Variants in FBXO3 observed in about 807,000 individuals in gnomAD.
The protein encoded by FBXO3 is F-box only protein 3.
In FBXO3, 17 loss-of-function variants were observed where a neutral mutation model predicts 64.8. The ratio of observed to expected loss-of-function variants is 0.26; its 90% confidence interval spans 0.18 to 0.39. The LOEUF (loss-of-function observed/expected upper bound fraction) is 0.39. Among genes scored for constraint, FBXO3 ranks in the 10% least tolerant of loss-of-function variants. The pLI is 1.00. For synonymous variants in FBXO3, 182 were observed against 201.6 expected (o/e 0.90, Z 0.82); for missense variants, 420 against 589.9 (o/e 0.71, Z 2.98).
rs764289901 is a variant in FBXO3 at position 33,755,913 on chromosome 11, G to T, written c.536C>A (p.Thr179Lys). The change falls in exon 5 of 11, where the codon ACA becomes AAA. Residue 179 changes from threonine to lysine, a missense_variant. This residue lies in a region of FBXO3 where 337 missense variants were observed against 518.4 expected (regional missense o/e 0.65). Coordinates refer to ENST00000265651, the MANE Select transcript of FBXO3 (RefSeq NM_012175.4). The part of the protein sequence containing the change: ...YRSEDLLDVD[T>K]AAGGFQQRQG... ...TCTCTGCTGGAATCCTCCGGCAGCT[G>T]TATCGACGTCTAACAAATCTTCAGA... 1 of 1,614,162 alleles carries T rather than the reference G, an allele frequency of 6.2e-7. No homozygotes were observed. The highest frequency in any genetic ancestry group is 8.5e-7 in the Non-Finnish European group (1 of 1,180,032).
chr11:33,767,014 G>T (rs1172213532), intron 3 of FBXO3, among the ~76,000 whole-genome samples: 22 of 136,310 alleles, frequency 1.6e-4, no homozygotes, highest in Admixed American at 7.5e-5. Flanking sequence ...AAAAAAAAAG[G>T]AAAAGAAAAA....
At chr11:33,758,997 T>G (rs1855177919) in intron 3 of FBXO3, among the ~76,000 whole-genome samples, 1 of 152,178 alleles carries the variant, frequency 6.6e-6, no homozygotes. Context: ...ACATTGACTC[T>G]TAATGGGAAA....
rs567140201 is a variant in FBXO3, at chr11:33,767,845, C to T, written c.358+1006G>A. ...TACATACCAAGTAAATAGTATTATT[C>T]GTTTCTTCTAAGAAAAGGAGCTATT... is the stretch of plus-strand genomic sequence containing the variant. On this transcript the variant is annotated intron_variant, in intron 3 of 10. Coordinates refer to ENST00000265651, the MANE Select transcript of FBXO3 (RefSeq NM_012175.4). Among the ~76,000 whole-genome samples the T allele has an allele frequency of 5.5e-4, 84 of 152,292 alleles. 1 individual carries two copies. The highest frequency in any genetic ancestry group is 9.0e-4 in the Non-Finnish European group (61 of 68,018).
Position 33,750,618 on chromosome 11 carries a change from T to C in FBXO3, c.853A>G (p.Thr285Ala), listed in dbSNP as rs780378333. 3 of 1,613,548 alleles carry C rather than the reference T, an allele frequency of 1.9e-6. No homozygotes were observed. The African/African-American group carries it at 4.0e-5, about 22-fold the overall frequency. ...AGAAACGATGTGGAAACTGACACAG[T>C]AATATCCCCAGTTGTTGCTACACAT... ...PECVATTGDI[T>A]VSVSTSFLPE... The change falls in exon 8 of 11, where the codon ACT becomes GCT. Residue 285 changes from threonine (T) to alanine (A), a missense_variant. This residue lies in a region of FBXO3 where 337 missense variants were observed against 518.4 expected (regional missense o/e 0.65). Coordinates refer to ENST00000265651, the MANE Select transcript of FBXO3 (RefSeq NM_012175.4).
chr11:33,774,317 C>A, intron 1 of FBXO3, 77 bp downstream of exon 1: 1 of 1,257,378 alleles, frequency 8.0e-7, no homozygotes, highest in Non-Finnish European at 1.1e-6. Context: ...CTGTCAGCGG[C>A]CCCGACCCCC....
At chr11:33,764,375 A>G (rs1855316118) in intron 3 of FBXO3, among the ~76,000 whole-genome samples, 1 of 152,212 alleles carries the variant, frequency 6.6e-6, no homozygotes, top group Non-Finnish European at 1.5e-5. Flanking sequence ...GGTACAGATA[A>G]TATTCTACTT....
intron 8 of FBXO3, 68 bp downstream of exon 8, chr11:33,750,471 C>T (rs1278746267): frequency 1.0e-5 from 16 of 1,551,678 alleles, no homozygotes; most frequent in Non-Finnish European, 1.4e-5. Context: ...TCAAATGGGA[C>T]AATAGCAACA....
At chr11:33,758,274 T>A (rs1855157113) in intron 4 of FBXO3, among the ~76,000 whole-genome samples, 1 of 152,216 alleles carries the variant, frequency 6.6e-6, no homozygotes, top group East Asian at 1.9e-4. Context: ...TATACAAATA[T>A]ATTGATAAAA....
intron 2 of FBXO3, among the ~76,000 whole-genome samples, chr11:33,770,088 G>GT (rs1855476562): frequency 6.6e-6 from 1 of 152,080 alleles, no homozygotes; most frequent in Non-Finnish European, 1.5e-5. Flanking sequence ...AACTTCACAT[G>GT]TATCTACTGA....
intron 3 of FBXO3, among the ~76,000 whole-genome samples, chr11:33,765,233 G>T (rs936461767): frequency 2.6e-5 from 4 of 152,096 alleles, no homozygotes; most frequent in Non-Finnish European, 4.4e-5. Flanking sequence ...AGGGTGAGGG[G>T]TGTATAGAAC....
In FBXO3 at chr11:33,741,959, C is replaced by A; in HGVS notation, c.1365G>T (p.Arg455Ser). ...TGCGAATGGGAACATCAAAGACTCTCCTCCGTCTCTCCTCTTCATCATCTT... is the reference window on the plus strand; with the variant it reads ...TGCGAATGGGAACATCAAAGACTCTACTCCGTCTCTCCTCTTCATCATCTT... Reference protein sequence around the residue: ...SDEDDEEERRRRVFDVPIRRR... With the variant: ...SDEDDEEERRSRVFDVPIRRR... The change falls in exon 11 of 11, where the codon AGG becomes AGT. Residue 455 changes from arginine to serine, a missense_variant. Physicochemically the swap from Arg to Ser is moderately radical, Grantham distance 110. This residue lies in a region of FBXO3 where 57 missense variants were observed against 55.4 expected (regional missense o/e 1.03). Coordinates refer to ENST00000265651, the MANE Select transcript of FBXO3 (RefSeq NM_012175.4). The A allele has an allele frequency of 6.2e-7, 1 of 1,613,980 alleles. No individual in the cohort carries two copies. Among genetic ancestry groups the A allele is most frequent in the Non-Finnish European group, 8.5e-7 (1 of 1,179,922 alleles).
chr11:33,752,276 A>G (rs1427550771), intron 6 of FBXO3, among the ~76,000 whole-genome samples: 1 of 152,224 alleles, frequency 6.6e-6, no homozygotes, highest in Admixed American at 6.5e-5. Context: ...GATTATAACA[A>G]GTATTTACAT....
chr11:33,758,832 T>C (rs1855171948), intron 3 of FBXO3, among the ~76,000 whole-genome samples: 1 of 152,108 alleles, frequency 6.6e-6, no homozygotes, highest in Admixed American at 6.5e-5. Context: ...ACATGGAAAG[T>C]GGGCACCAAT....
chr11:33,767,140 T>C (rs1204338418), intron 3 of FBXO3, among the ~76,000 whole-genome samples: 2 of 152,146 alleles, frequency 1.3e-5, no homozygotes, highest in African/African-American at 4.8e-5. Context: ...TTAAACTAGC[T>C]CTTCTAGTCC....
rs7938057 is a variant in FBXO3 at position 33,754,451 on chromosome 11, C to A, written c.724+4G>T. On this transcript the variant is annotated splice_donor_region_variant and intron_variant, in intron 6 of 10. Transcript: ENST00000265651. ...GGGGGAAAAAAGACTTTTTTCTTTC[C>A]TACCTATAATAAACATGTCAATAGC... The A allele has an allele frequency of 2.5e-6, 4 of 1,573,494 alleles. No individual in the cohort carries two copies. The African/African-American group carries it at 5.5e-5, about 22-fold the overall frequency.
intron 6 of FBXO3, among the ~76,000 whole-genome samples, chr11:33,752,475 G>C (rs962030554): frequency 2.6e-5 from 4 of 152,144 alleles, no homozygotes; most frequent in Admixed American, 6.5e-5. Context: ...CTGAATGTCA[G>C]ATGCTAAATT....
intron 5 of FBXO3, among the ~76,000 whole-genome samples, chr11:33,754,729 T>C (rs1855049550): frequency 6.6e-6 from 1 of 152,058 alleles, no homozygotes; most frequent in African/African-American, 2.4e-5. Flanking sequence ...CAAGCTACCA[T>C]CCTACAACCT....
At position 33,747,006 on chromosome 11, in the gene FBXO3, T is replaced by C. The variant is rs567772215; in HGVS notation, c.1239+124A>G. 1.1e-5 allele frequency: 17 copies of C among 1,502,904 alleles called. No homozygotes were observed. In the East Asian group the frequency reaches 3.9e-4, roughly 35 times the overall value. The allele number at this position is 1,502,904 out of a possible 1,614,324, so 93.1% of individuals were successfully genotyped here. A position where few individuals can be genotyped will look rare whatever the true frequency, so the allele number is the denominator to read the frequency against. On this transcript the variant is annotated intron_variant, in intron 10 of 10. Transcript: ENST00000265651. ...CAACAAATTCACATGACCCCCAAGA[T>C]ACTTTCTCAAAATCTCTAGGGTTCT...
chr11:33,771,784 T>C (rs1855517201), intron 1 of FBXO3: 1 of 152,220 alleles, frequency 6.6e-6, no homozygotes. Flanking sequence ...CCAAATTAAC[T>C]TTTGTAAACA....
Sources: gnomAD v4.1 joint callset for allele counts (sites outside exome capture counted in the v4.1 genomes callset) on GRCh38, gnomAD v4.1.1 for gene constraint, gnomAD v4.1.1 regional missense constraint, MANE v1.5 for transcripts, NCBI Gene and HGNC (gene_info 2026-07-23, HGNC 2026-07-21) for gene names.